NEDD4: variants seen among roughly 807,000 people sequenced by gnomAD.
The protein encoded by NEDD4 is E3 ubiquitin-protein ligase NEDD4.
Under a neutral mutation model 144.9 loss-of-function variants are expected in NEDD4, and 99 were observed. That is an observed-to-expected ratio of 0.68 (90% CI 0.58 to 0.81). The LOEUF is 0.81. Ranked by LOEUF, NEDD4 falls within the 30% of genes least tolerant of loss-of-function variation. The pLI, the probability that NEDD4 is intolerant of heterozygous loss-of-function variation, is 0.00. For missense variants in NEDD4, 985 were observed against 1,065.9 expected, an observed-to-expected ratio of 0.92 and a Z score of 1.06; for synonymous variants, 318 against 350.6, an observed-to-expected ratio of 0.91 and a Z score of 1.04.
chr15:55,988,973 C>T (rs1254342845), intron 1 of NEDD4, among the ~76,000 whole-genome samples: 2 of 152,128 alleles, frequency 1.3e-5, no homozygotes, highest in African/African-American at 2.4e-5. Context: ...CGGTGCCTCA[C>T]GCCTATAATC....
chr15:55,948,374 C>A (rs757828987), intron 4 of NEDD4, among the ~76,000 whole-genome samples: 3 of 152,200 alleles, frequency 2.0e-5, no homozygotes, highest in Admixed American at 6.5e-5. Flanking sequence ...AATGGCCATA[C>A]TGCCCAAGAT....
chr15:55,953,946 T>G (rs2037291443), intron 2 of NEDD4, among the ~76,000 whole-genome samples: 1 of 152,184 alleles, frequency 6.6e-6, no homozygotes, highest in Non-Finnish European at 1.5e-5. Context: ...GGTCTCAATC[T>G]CTTGACCTCG....
intron 5 of NEDD4, among the ~76,000 whole-genome samples, chr15:55,892,597 T>C (rs1301041684): frequency 6.6e-6 from 1 of 152,060 alleles, no homozygotes; most frequent in Non-Finnish European, 1.5e-5. Context: ...TTTAAAAATA[T>C]AAGTAACACA....
At chr15:55,863,490 A>G (rs1377180205) in intron 8 of NEDD4, among the ~76,000 whole-genome samples, 1 of 152,236 alleles carries the variant, frequency 6.6e-6, no homozygotes, top group African/African-American at 2.4e-5. Context: ...GAGATTAATT[A>G]GCCTGATTTA....
At chr15:55,839,999 A>AATAT (rs1176994871) in intron 21 of NEDD4, among the ~76,000 whole-genome samples, 515 of 25,442 alleles carry the variant, frequency 0.02, 3 homozygotes, top group African/African-American at 0.027. Flanking sequence ...AAAAAAAAAA[A>AATAT]ATATATATAT....
In NEDD4 at chr15:55,829,199, C is replaced by T. The variant is rs113627583; in HGVS notation, c.*698G>A. The stretch of plus-strand genomic sequence containing the variant: ...ACCCATTGCAAATATGAATTTGCTT[C>T]ACATGTCTTATGAACCATCTGTTTA... On this transcript the variant is annotated 3_prime_UTR_variant, in exon 29 of 29. Coordinates refer to ENST00000435532, the MANE Select transcript of NEDD4 (RefSeq NM_006154.4). 2 of 152,336 alleles carry T rather than the reference C, an allele frequency of 1.3e-5. 1 individual carries two copies. The highest frequency in any genetic ancestry group is 4.8e-5 in the African/African-American group (2 of 41,576). 9.4% of individuals were successfully genotyped at this position (152,336 alleles called of 1,614,324 possible).
chr15:55,912,145 A>G (rs2036296100), intron 5 of NEDD4, among the ~76,000 whole-genome samples: 1 of 152,246 alleles, frequency 6.6e-6, no homozygotes, highest in African/African-American at 2.4e-5. Flanking sequence ...TAGAATATTT[A>G]TAAATTACAT....
chr15:55,840,395 A>C (rs1450969560), intron 21 of NEDD4, 52 bp downstream of exon 21: 2 of 1,486,688 alleles, frequency 1.3e-6, no homozygotes, highest in Admixed American at 4.1e-5. Context: ...CAAAATGTTC[A>C]AGCTGCTTGT....
chr15:55,922,606 A>T (rs903413480), intron 5 of NEDD4, among the ~76,000 whole-genome samples: 1 of 152,144 alleles, frequency 6.6e-6, no homozygotes, highest in Non-Finnish European at 1.5e-5. Context: ...CAGGTGATCC[A>T]CCTAACTCGG....
intron 5 of NEDD4, among the ~76,000 whole-genome samples, chr15:55,875,913 T>A (rs1280980124): frequency 3.9e-5 from 6 of 152,028 alleles, no homozygotes; most frequent in African/African-American, 1.4e-4. Context: ...GTCAATAAAG[T>A]CAGTGAACTG....
rs145482517 is a variant in NEDD4 at position 55,838,577 on chromosome 15, A to T, written c.2059T>A (p.Trp687Arg). 3.6e-5 allele frequency: 58 copies of T among 1,612,002 alleles called. No individual in the cohort carries two copies. The highest frequency in any genetic ancestry group is 4.7e-5 in the Non-Finnish European group (55 of 1,178,746). Residue 687 changes from tryptophan to arginine, a missense_variant, in exon 22 of 29, where the codon TGG (tryptophan) becomes AGG (arginine). Physicochemically the swap from Trp to Arg is moderately radical, Grantham distance 101. Transcript: ENST00000435532. ...TCTGTTGGGTCATTTTCAAGAATCC[A>T]TCTTAGGGAATTGTAATATTCACTA... ...VDSEYYNSLR[W>R]ILENDPTELD...
At chr15:55,850,831 G>C (rs749876652) in intron 13 of NEDD4, 89 bp from the exon 14 acceptor site, 565 of 1,092,732 alleles carry the variant, frequency 5.2e-4, no homozygotes, top group Non-Finnish European at 6.3e-4. Flanking sequence ...CCTGCAAATA[G>C]AATACACACC....
At chr15:55,931,884 C>T (rs2036788752) in intron 4 of NEDD4, among the ~76,000 whole-genome samples, 1 of 152,136 alleles carries the variant, frequency 6.6e-6, no homozygotes, top group African/African-American at 2.4e-5. Context: ...AAAATGAAAC[C>T]TTATGTCTTT....
rs1355173680 is a variant in NEDD4 at position 55,915,938 on chromosome 15, C to T, written c.291+8708G>A. 1.9e-6 allele frequency: 3 copies of T among 1,613,786 alleles called. No individual in the cohort carries two copies. In the South Asian group the frequency reaches 3.3e-5, roughly 18 times the overall value. ...CAATTTCACTAGGAGAAATAATAAACTGGTGTGAAGTTTGATAGGATCCTT... is the reference window on the plus strand; with the variant it reads ...CAATTTCACTAGGAGAAATAATAAATTGGTGTGAAGTTTGATAGGATCCTT... On this transcript the variant is annotated intron_variant, in intron 5 of 28. Coordinates refer to ENST00000435532, the MANE Select transcript of NEDD4 (RefSeq NM_006154.4).
chr15:55,983,277 AC>A (rs2037833271), intron 1 of NEDD4, among the ~76,000 whole-genome samples: 1 of 100,908 alleles, frequency 9.9e-6, no homozygotes, highest in Non-Finnish European at 2.8e-5. Flanking sequence ...GTTGATGATG[AC>A]GACAATGGTG....
intron 18 of NEDD4, 23 bp from the exon 19 acceptor site, chr15:55,842,186 T>C (rs373960008): frequency 3.0e-5 from 48 of 1,589,010 alleles, no homozygotes; most frequent in Non-Finnish European, 2.0e-5. Context: ...AGGAGAGACG[T>C]ACTGTTTAAA....
At chr15:55,943,134 T>A (rs2037038835) in intron 4 of NEDD4, among the ~76,000 whole-genome samples, 2 of 152,244 alleles carry the variant, frequency 1.3e-5, no homozygotes, top group Non-Finnish European at 2.9e-5. Flanking sequence ...TCTAACCATA[T>A]GCTTATATGC....
chr15:55,901,162 G>C (rs1488646775), intron 5 of NEDD4, among the ~76,000 whole-genome samples: 2 of 152,034 alleles, frequency 1.3e-5, no homozygotes, highest in Non-Finnish European at 2.9e-5. Flanking sequence ...CATGGATGAT[G>C]GAGTACCTAT....
At chr15:55,897,114 T>C (rs12594420) in intron 5 of NEDD4, among the ~76,000 whole-genome samples, 21,829 of 152,008 alleles carry the variant, frequency 0.14, 1,710 homozygotes, top group East Asian at 0.36. Context: ...GCTGGGACTA[T>C]AGGTGCCCGC....
Sources: gnomAD v4.1 joint callset for allele counts (sites outside exome capture counted in the v4.1 genomes callset) on GRCh38, gnomAD v4.1.1 for gene constraint, MANE v1.5 for transcripts, NCBI Gene and HGNC (gene_info 2026-07-23, HGNC 2026-07-21) for gene names.